The following PMEPA1 variants were observed in gnomAD, a reference collection of about 807,000 sequenced individuals.
PMEPA1 encodes the protein prostate transmembrane protein, androgen induced 1, also known as protein TMEPAI.
In PMEPA1, 11 loss-of-function variants were observed where a neutral mutation model predicts 23.0. That is an observed-to-expected ratio of 0.48 (90% CI 0.30 to 0.79). The LOEUF (loss-of-function observed/expected upper bound fraction) is 0.79. Among genes scored for constraint, PMEPA1 ranks in the 30% least tolerant of loss-of-function variants. The pLI is 0.06. For missense variants in PMEPA1, 377 were observed against 390.9 expected (o/e 0.96, Z 0.30); for synonymous variants, 204 against 166.4 (o/e 1.23, Z -1.74).
At position 57,652,183 on chromosome 20, in the gene PMEPA1, T is replaced by C. The variant is rs751302844; in HGVS notation, c.734A>G (p.Gln245Arg). The change falls in exon 4 of 4, where the codon CAG (glutamine) becomes CGG (arginine). Residue 245 changes from glutamine (Q) to arginine (R), a missense_variant. Gln to Arg is a conservative substitution (Grantham distance 43). Around this residue, in one of 3 missense-constraint regions of PMEPA1, gnomAD observed 176 missense variants for 173.0 expected, o/e 1.02. Coordinates refer to ENST00000341744, the MANE Select transcript of PMEPA1 (RefSeq NM_020182.5). This position sits in a 1 kb window ranked among gnomAD's most constrained non-coding sequence, Gnocchi z 6.1. ...GGGCGGCCCACTGCTCTGCTGGTGCTGGAAGGAGGACCCCGGGTAGTGGCC... is the reference window on the plus strand; with the variant it reads ...GGGCGGCCCACTGCTCTGCTGGTGCCGGAAGGAGGACCCCGGGTAGTGGCC... ...VIGHYPGSSF[Q>R]HQQSSGPPSL... 14 of 1,609,696 alleles carry C rather than the reference T, an allele frequency of 8.7e-6. No individual in the cohort carries two copies. The highest frequency in any genetic ancestry group is 4.0e-5 in the African/African-American group (3 of 74,882).
intron 1 of PMEPA1, among the ~76,000 whole-genome samples, chr20:57,660,560 AC>A (rs562857474): frequency 7.6e-6 from 1 of 131,332 alleles, no homozygotes; most frequent in South Asian, 2.4e-4. Flanking sequence ...ACACGTCAAC[AC>A]CAACACATGA....
At chr20:57,700,103 C>T (rs867949929) in intron 1 of PMEPA1, 1 of 471,380 alleles carries the variant, frequency 2.1e-6, no homozygotes, top group East Asian at 6.9e-5. Context: ...ATGGAACTGG[C>T]CCCTCCTGGA....
At chr20:57,665,869 C>A (rs991818905) in intron 1 of PMEPA1, among the ~76,000 whole-genome samples, 4 of 152,204 alleles carry the variant, frequency 2.6e-5, no homozygotes, top group Non-Finnish European at 5.9e-5. Flanking sequence ...ATACACACAT[C>A]ATGTTTTGAA....
At chr20:57,672,955 T>C (rs2071589418) in intron 1 of PMEPA1, among the ~76,000 whole-genome samples, 1 of 152,146 alleles carries the variant, frequency 6.6e-6, no homozygotes, top group Non-Finnish European at 1.5e-5. Flanking sequence ...CGGGTTGCTG[T>C]GTGGATGCAG....
intron 1 of PMEPA1, among the ~76,000 whole-genome samples, chr20:57,661,732 C>G (rs1286566094): frequency 1.3e-5 from 2 of 152,184 alleles, no homozygotes; most frequent in Non-Finnish European, 2.9e-5. Context: ...GGGGCCCAGC[C>G]ATCTCCTGCC....
At chr20:57,708,462 GACTT>G (rs1313249976) in intron 1 of PMEPA1, among the ~76,000 whole-genome samples, 2 of 152,210 alleles carry the variant, frequency 1.3e-5, no homozygotes, top group African/African-American at 4.8e-5. Context: ...AGGAGGTAGA[GACTT>G]ACTTATCTGA....
intron 1 of PMEPA1, among the ~76,000 whole-genome samples, chr20:57,692,599 G>A (rs1193059146): frequency 2.6e-5 from 4 of 152,360 alleles, no homozygotes; most frequent in Admixed American, 2.6e-4. Context: ...GGCCCCAGGA[G>A]GATTCAATTC....
chr20:57,706,539 C>T (rs1487121580), intron 1 of PMEPA1, among the ~76,000 whole-genome samples: 1 of 152,100 alleles, frequency 6.6e-6, no homozygotes, highest in Non-Finnish European at 1.5e-5. Context: ...TCCCTCGACT[C>T]TCAGAAAAAA....
intron 1 of PMEPA1, among the ~76,000 whole-genome samples, chr20:57,672,256 G>A (rs2071579031): frequency 6.6e-6 from 1 of 152,258 alleles, no homozygotes; most frequent in African/African-American, 2.4e-5. Context: ...CGACAGTGAC[G>A]CACGTATGCC....
chr20:57,694,127 G>A (rs994238464), intron 1 of PMEPA1, among the ~76,000 whole-genome samples: 1 of 152,166 alleles, frequency 6.6e-6, no homozygotes, highest in Non-Finnish European at 1.5e-5. Context: ...AGTTGCCCCT[G>A]ACCTTCAAAT....
rs1555882174 is a variant in PMEPA1 at position 57,683,556 on chromosome 20, T to TGTGTGCGTGTGA, written c.110-23860_110-23859insTCACACGCACAC. ...GTGGTGGTGTTCTGGCCTGTGTGCG[T>TGTGTGCGTGTGA]GTGTGTGTGTGTGTGTGTGTGTGTG... On this transcript the variant is annotated intron_variant, in intron 1 of 3. Transcript: ENST00000341744. This position sits in a 1 kb window ranked among gnomAD's most constrained non-coding sequence, Gnocchi z 4.3. Among the ~76,000 whole-genome samples, 331 of 111,934 alleles carry TGTGTGCGTGTGA rather than the reference T, an allele frequency of 3.0e-3. 3 individuals are homozygous for TGTGTGCGTGTGA. The highest frequency in any genetic ancestry group is 0.01 in the African/African-American group (315 of 31,368). 73.4% of individuals were successfully genotyped at this position (111,934 alleles called of 152,430 possible).
In PMEPA1 at chr20:57,661,379, C is replaced by T. The variant is rs1000884210; in HGVS notation, c.110-1682G>A. Among the ~76,000 whole-genome samples, 6 of 152,312 alleles carry T rather than the reference C, an allele frequency of 3.9e-5. No individual in the cohort carries two copies. In the South Asian group the frequency reaches 1.0e-3, roughly 26 times the overall value. On this transcript the variant is annotated intron_variant, in intron 1 of 3. Coordinates refer to ENST00000341744, the MANE Select transcript of PMEPA1 (RefSeq NM_020182.5). ...CGGCAGAGTGGGCACCAGCCGGCAG[C>T]GTCCGGGGCCAAAGCTCCTCCAGCT...
chr20:57,675,575 TC>T (rs1474681657), intron 1 of PMEPA1, among the ~76,000 whole-genome samples: 1 of 151,890 alleles, frequency 6.6e-6, no homozygotes, highest in African/African-American at 2.4e-5. Context: ...ACGAGTGTTT[TC>T]CGGTTTGGGG....
In PMEPA1 at chr20:57,652,282, G is replaced by A. The variant is rs1488824162; in HGVS notation, c.635C>T (p.Ser212Leu). 13 of 1,609,292 alleles carry A rather than the reference G, an allele frequency of 8.1e-6. No individual in the cohort carries two copies. Among genetic ancestry groups the A allele is most frequent in the South Asian group, 1.1e-5 (1 of 91,064 alleles). The stretch of plus-strand genomic sequence containing the variant: ...GCCGTAGCACGTGGCGCTGATGCCC[G>A]AGTTACTGCTGGGGGGGCAGGGGCC... ...LGGPCPPSSN[S>L]GISATCYGSG... Residue 212 changes from serine to leucine, a missense_variant, in exon 4 of 4, where the codon TCG (serine) becomes TTG (leucine). By Grantham distance (145) the Ser-to-Leu change is moderately radical. Coordinates refer to ENST00000341744, the MANE Select transcript of PMEPA1 (RefSeq NM_020182.5). This position sits in a 1 kb window ranked among gnomAD's most constrained non-coding sequence, Gnocchi z 6.1.
rs2146629429 is a variant in PMEPA1, at chr20:57,650,555, G to C, written c.*1498C>G. On this transcript the variant is annotated 3_prime_UTR_variant, in exon 4 of 4. Transcript: ENST00000341744. ...GGTGAAAACCTGGAGAACAAGAGCGGAGTCTAAGAGAGATGTAAATGAAAA... is the reference window on the plus strand; with the variant it reads ...GGTGAAAACCTGGAGAACAAGAGCGCAGTCTAAGAGAGATGTAAATGAAAA... 6.6e-6 allele frequency: 1 copy of C among 152,418 alleles called. No homozygotes were observed. Among genetic ancestry groups the C allele is most frequent in the South Asian group, 2.1e-4 (1 of 4,834 alleles). The allele number at this position is 152,418 out of a possible 1,614,324, so 9.4% of individuals were successfully genotyped here.
chr20:57,677,262 G>A (rs1341060581), intron 1 of PMEPA1, among the ~76,000 whole-genome samples: 1 of 152,210 alleles, frequency 6.6e-6, no homozygotes, highest in Non-Finnish European at 1.5e-5. Flanking sequence ...TCTGTACCAT[G>A]GAGTGAACTA....
Position 57,709,600 on chromosome 20 carries a change from GGCGCGGGGC to G in PMEPA1, c.-27_-19del. 1.0e-6 allele frequency: 1 copy of G among 992,426 alleles called. No homozygotes were observed. Among genetic ancestry groups the G allele is most frequent in the Non-Finnish European group, 1.2e-6 (1 of 826,860 alleles). The allele number at this position is 992,426 out of a possible 1,614,324, so 61.5% of individuals were successfully genotyped here. A position where few individuals can be genotyped will look rare whatever the true frequency, so the allele number is the denominator to read the frequency against. On this transcript the variant is annotated 5_prime_UTR_variant, in exon 1 of 4. Transcript: ENST00000341744. ...CGGTGCATGGACGGCGCGGCGGCGCGGCGCGGGGCGCGGGGGGCTCGGGGGCGGCCGGGG... is the reference window on the plus strand; with the variant it reads ...CGGTGCATGGACGGCGCGGCGGCGCGGCGGGGGGCTCGGGGGCGGCCGGGG...
At chr20:57,653,979 G>A (rs1459331232) in intron 2 of PMEPA1, among the ~76,000 whole-genome samples, 1 of 152,154 alleles carries the variant, frequency 6.6e-6, no homozygotes, top group Non-Finnish European at 1.5e-5. Context: ...GGAGAGTTGA[G>A]GAAAGTGCCC....
chr20:57,700,470 C>T (rs904957449), intron 1 of PMEPA1, among the ~76,000 whole-genome samples: 27 of 152,300 alleles, frequency 1.8e-4, no homozygotes, highest in African/African-American at 6.3e-4. Context: ...AGTGGCATCT[C>T]GAACCTGCAT....
Sources: allele counts gnomAD v4.1 joint callset (sites outside exome capture counted in the v4.1 genomes callset), GRCh38; gene constraint gnomAD v4.1.1; regional missense constraint gnomAD v4.1.1; non-coding constraint Gnocchi (gnomAD v3.1); transcripts MANE v1.5; gene names NCBI Gene and HGNC (gene_info 2026-07-23, HGNC 2026-07-21).